Variants in MYO16 observed in about 807,000 individuals in gnomAD.
MYO16 encodes unconventional myosin-XVI.
MYO16 carries 94 observed loss-of-function variants against 205.3 expected under a neutral mutation model. The observed-to-expected ratio is 0.46, with a 90% CI of 0.39 to 0.54. MYO16 has a LOEUF of 0.54. Among genes scored for constraint, MYO16 ranks in the 20% least tolerant of loss-of-function variants. The probability of loss-of-function intolerance (pLI) is 0.00; values close to 1 mark genes in which losing one functional copy is unlikely to be tolerated. For synonymous variants in MYO16, 988 were observed against 954.0 expected (o/e 1.04, Z -0.66); for missense variants, 2,315 against 2,387.5 (o/e 0.97, Z 0.63).
the MYO16 span, among the ~76,000 whole-genome samples, chr13:108,499,795 A>T: frequency 6.6e-6 from 1 of 152,142 alleles, no homozygotes; most frequent in Non-Finnish European, 1.5e-5. Flanking sequence ...ATGTTTCTAA[A>T]AATAATTATG....
rs759546239 is a variant in MYO16, at chr13:108,912,851, G to A, written c.1925+2701G>A. ...TGTGTGTGTGTCTGTGTGTGTGCAC[G>A]TGGGTATGTGCTTGGCATTGCAGAC... On this transcript the variant is annotated intron_variant, in intron 16 of 34. Coordinates refer to ENST00000457511, the MANE Select transcript of MYO16 (RefSeq NM_001198950.3). Among the ~76,000 whole-genome samples, 29 of 152,082 alleles carry A rather than the reference G, an allele frequency of 1.9e-4. 1 individual carries two copies. Among genetic ancestry groups the A allele is most frequent in the Non-Finnish European group, 2.9e-5 (2 of 68,024 alleles).
chr13:108,896,371 A>G (rs1594377536), intron 14 of MYO16, among the ~76,000 whole-genome samples: 1 of 152,130 alleles, frequency 6.6e-6, no homozygotes, highest in Non-Finnish European at 1.5e-5. Context: ...ACTAAGTACT[A>G]TTTCATTTTT....
At chr13:108,841,785 A>G (rs1284320845) in intron 9 of MYO16, among the ~76,000 whole-genome samples, 1 of 152,168 alleles carries the variant, frequency 6.6e-6, no homozygotes, top group Non-Finnish European at 1.5e-5. Context: ...TTATTTCAGA[A>G]GGAGCAAAGT....
the MYO16 span, among the ~76,000 whole-genome samples, chr13:108,536,647 A>C: frequency 6.6e-6 from 1 of 152,110 alleles, no homozygotes; most frequent in Non-Finnish European, 1.5e-5. Flanking sequence ...CAATTTAATG[A>C]CTTGACAATA....
chr13:108,563,737 A>G, the MYO16 span, among the ~76,000 whole-genome samples: 9 of 152,112 alleles, frequency 5.9e-5, no homozygotes, highest in African/African-American at 1.9e-4. Flanking sequence ...TTACCCATTC[A>G]TCTGTTGATG....
intron 7 of MYO16, among the ~76,000 whole-genome samples, chr13:108,808,940 G>T (rs1250175730): frequency 6.6e-6 from 1 of 152,066 alleles, no homozygotes; most frequent in Middle Eastern, 3.2e-3. Context: ...TAAGACACAG[G>T]AATCACCAAA....
chr13:108,914,821 TTAG>T (rs1881415844), intron 16 of MYO16, among the ~76,000 whole-genome samples: 1 of 152,144 alleles, frequency 6.6e-6, no homozygotes, highest in Non-Finnish European at 1.5e-5. Flanking sequence ...TTTTGTATTT[TTAG>T]TAGGGACGGG....
At chr13:109,194,178 G>C (rs1198983238) in intron 34 of MYO16, among the ~76,000 whole-genome samples, 2 of 152,132 alleles carry the variant, frequency 1.3e-5, no homozygotes, top group African/African-American at 4.8e-5. Context: ...CCTCGATGGA[G>C]GTGGTCAGAT....
chr13:108,594,398 G>C (rs1878483489), upstream of MYO16, among the ~76,000 whole-genome samples: 1 of 151,206 alleles, frequency 6.6e-6, no homozygotes, highest in African/African-American at 2.4e-5. Flanking sequence ...GCAGGTCGCA[G>C]GTCGTGGTGG....
At chr13:108,688,645 G>A (rs888128855) in intron 2 of MYO16, among the ~76,000 whole-genome samples, 27 of 152,070 alleles carry the variant, frequency 1.8e-4, no homozygotes, top group African/African-American at 5.8e-4. Flanking sequence ...CAAAGTAGGC[G>A]TTAATTTAGG....
chr13:108,733,964 G>A (rs1465787409), intron 4 of MYO16, among the ~76,000 whole-genome samples: 3 of 151,868 alleles, frequency 2.0e-5, no homozygotes, highest in South Asian at 2.1e-4. Context: ...ATGAGACTCC[G>A]TCTCAAAAAA....
chr13:109,014,435 T>C (rs1885731099), intron 22 of MYO16, among the ~76,000 whole-genome samples: 1 of 152,176 alleles, frequency 6.6e-6, no homozygotes, highest in South Asian at 2.1e-4. Flanking sequence ...CTTAGGGTTG[T>C]CTTGGCAATG....
the MYO16 span, among the ~76,000 whole-genome samples, chr13:108,509,394 A>G: frequency 6.6e-6 from 1 of 152,228 alleles, no homozygotes; most frequent in African/African-American, 2.4e-5. Flanking sequence ...AGAATTCATA[A>G]TCCTACTACT....
chr13:108,583,548 T>C, the MYO16 span, among the ~76,000 whole-genome samples: 1 of 152,214 alleles, frequency 6.6e-6, no homozygotes, highest in African/African-American at 2.4e-5. Flanking sequence ...AATCCAGTGA[T>C]ATACTATTTT....
intron 4 of MYO16, among the ~76,000 whole-genome samples, chr13:108,735,947 A>C (rs371336951): frequency 2.0e-5 from 3 of 152,092 alleles, no homozygotes; most frequent in African/African-American, 7.2e-5. Flanking sequence ...TCTTCTTTTG[A>C]GAAGTGTCTG....
rs555599142 is a variant in MYO16 at position 108,961,692 on chromosome 13, T to C, written c.2155+36T>C. ...CATGACCTTCTGACATTAACCACATTGATGTGCAATTTTGTAGATCTACCA... is the reference window on the plus strand; with the variant it reads ...CATGACCTTCTGACATTAACCACATCGATGTGCAATTTTGTAGATCTACCA... On this transcript the variant is annotated intron_variant, in intron 18 of 34. Coordinates refer to ENST00000457511, the MANE Select transcript of MYO16 (RefSeq NM_001198950.3). 4.0e-6 allele frequency: 6 copies of C among 1,516,876 alleles called. No homozygotes were observed. The East Asian group carries it at 6.8e-5, about 17-fold the overall frequency. 94.0% of individuals were successfully genotyped at this position (1,516,876 alleles called of 1,614,324 possible).
chr13:108,811,692 T>G (rs1211973673), intron 7 of MYO16, among the ~76,000 whole-genome samples: 1 of 152,084 alleles, frequency 6.6e-6, no homozygotes, highest in Non-Finnish European at 1.5e-5. Flanking sequence ...GCCTACAAAC[T>G]CCTACCCAGT....
the MYO16 span, among the ~76,000 whole-genome samples, chr13:108,584,949 C>T: frequency 8.5e-5 from 13 of 152,130 alleles, no homozygotes; most frequent in African/African-American, 3.1e-4. Context: ...AATTTAATGG[C>T]TTTCCTCTTT....
chr13:108,796,703 T>TG (rs2138954976), intron 6 of MYO16, among the ~76,000 whole-genome samples: 1 of 140,278 alleles, frequency 7.1e-6, no homozygotes, highest in South Asian at 2.3e-4. Context: ...CACTCATAGG[T>TG]GGGAATTGAA....
Sources: allele counts gnomAD v4.1 joint callset (sites outside exome capture counted in the v4.1 genomes callset), GRCh38; gene constraint gnomAD v4.1.1; transcripts MANE v1.5; gene names NCBI Gene and HGNC (gene_info 2026-07-23, HGNC 2026-07-21).